DIAPH1: variants seen among roughly 807,000 people sequenced by gnomAD.
The protein encoded by DIAPH1 is diaphanous related formin 1, also known as protein diaphanous homolog 1.
Under a neutral mutation model 140.7 loss-of-function variants are expected in DIAPH1, and 46 were observed. That is an observed-to-expected ratio of 0.33 (90% CI 0.26 to 0.42). The LOEUF is 0.42. Among genes scored for constraint, DIAPH1 ranks in the 10% least tolerant of loss-of-function variants. The pLI is 1.00. For synonymous variants in DIAPH1, 565 were observed against 551.6 expected (o/e 1.02, Z -0.34); for missense variants, 1,310 against 1,558.7 (o/e 0.84, Z 2.69).
At chr5:141,584,847 A>G (rs12523361) in intron 3 of DIAPH1, among the ~76,000 whole-genome samples, 3,226 of 152,320 alleles carry the variant, frequency 0.021, 226 homozygotes, top group Admixed American at 0.14. Flanking sequence ...ATTTAGCCCT[A>G]ATAATTCCAG....
intron 18 of DIAPH1, among the ~76,000 whole-genome samples, chr5:141,557,159 T>C (rs1039526504): frequency 1.3e-5 from 2 of 152,202 alleles, no homozygotes; most frequent in Non-Finnish European, 2.9e-5. Context: ...ATAAGATAAT[T>C]TGGGAAATTT....
At chr5:141,542,495 T>C (rs148551987) in intron 18 of DIAPH1, among the ~76,000 whole-genome samples, 1 of 151,892 alleles carries the variant, frequency 6.6e-6, no homozygotes, top group Admixed American at 6.6e-5. Flanking sequence ...CTGTGGCATA[T>C]GCAATGGAAT....
At chr5:141,552,597 T>C (rs1238419086) in intron 18 of DIAPH1, among the ~76,000 whole-genome samples, 2 of 152,242 alleles carry the variant, frequency 1.3e-5, no homozygotes, top group Non-Finnish European at 2.9e-5. Context: ...TTAGAAATTC[T>C]GGCCTCCAGA....
At position 141,528,707 on chromosome 5, in the gene DIAPH1, A is replaced by C. The variant is rs753927669; in HGVS notation, c.3013T>G (p.Cys1005Gly). The C allele has an allele frequency of 1.2e-6, 2 of 1,614,128 alleles. No homozygotes were observed. Among genetic ancestry groups the C allele is most frequent in the East Asian group, 2.2e-5 (1 of 44,898 alleles). Reference sequence around the variant, plus strand: ...GCCCTACCTCTTTGGCTCACCTTACAGAGGAAGCTGATATTGAAGCCAAAA... The same window carrying C: ...GCCCTACCTCTTTGGCTCACCTTACCGAGGAAGCTGATATTGAAGCCAAAA... ...GAFGFNISFL[C>G]KLRDTKSTDQ... The change falls in exon 22 of 28, where the codon TGT becomes GGT. Residue 1005 changes from cysteine to glycine, a missense_variant. Physicochemically the swap from Cys to Gly is radical, Grantham distance 159 (BLOSUM62 -3). This residue lies in a region of DIAPH1 where 344 missense variants were observed against 512.2 expected (regional missense o/e 0.67). Transcript: ENST00000389054.
chr5:141,573,962 G>C lies in DIAPH1; in HGVS notation c.1888C>G (p.Pro630Ala). ...PLPGGVCISS[P>A]PSLPGGTAIS... The stretch of plus-strand genomic sequence containing the variant: ...GCAGTACCTCCAGGTAAAGAAGGGG[G>C]TGAGGAGATGCAAACACCCCCAGGC... The change falls in exon 16 of 28, where the codon CCC (proline) becomes GCC (alanine). Residue 630 changes from proline to alanine, a missense_variant. Transcript: ENST00000389054. 1.3e-6 allele frequency: 2 copies of C among 1,551,360 alleles called. No individual in the cohort carries two copies. The highest frequency in any genetic ancestry group is 8.7e-7 in the Non-Finnish European group (1 of 1,147,462).
chr5:141,582,266 A>T (rs1257096518), intron 7 of DIAPH1, 46 bp downstream of exon 7: 1 of 1,424,538 alleles, frequency 7.0e-7, no homozygotes, highest in Non-Finnish European at 9.9e-7. Context: ...AAGAGAAAGA[A>T]CAGGCGTCCA....
chr5:141,549,560 G>T (rs573279780), intron 18 of DIAPH1, among the ~76,000 whole-genome samples: 6 of 152,130 alleles, frequency 3.9e-5, no homozygotes, highest in Admixed American at 2.0e-4. Flanking sequence ...TTAGAACAAT[G>T]TACCCAATAA....
chr5:141,613,057 A>G (rs1330100020), intron 1 of DIAPH1, among the ~76,000 whole-genome samples: 1 of 152,178 alleles, frequency 6.6e-6, no homozygotes, highest in Non-Finnish European at 1.5e-5. Context: ...ATTATACAGG[A>G]CACCATAAAT....
At chr5:141,613,854 G>A (rs887769352) in intron 1 of DIAPH1, among the ~76,000 whole-genome samples, 4 of 152,092 alleles carry the variant, frequency 2.6e-5, no homozygotes, top group Admixed American at 1.3e-4. Flanking sequence ...AAAGTTTTAA[G>A]AAATTTTATT....
intron 8 of DIAPH1, among the ~76,000 whole-genome samples, chr5:141,579,707 T>C (rs1596384975): frequency 6.6e-6 from 1 of 152,066 alleles, no homozygotes; most frequent in African/African-American, 2.4e-5. Context: ...CCTAGCACTT[T>C]GGGAGGCCGA....
In DIAPH1 at chr5:141,576,247, C is replaced by A. The variant is rs2099895946; in HGVS notation, c.1444G>T (p.Ala482Ser). ...ATATGCACCTTCTTTTCCAGCTCTG[C>A]AGCTTTGGCTTCAGATTTCTCCACC... ...TKVEKSEAKA[A>S]ELEKKLDSEL... The change falls in exon 14 of 28, where the codon GCA (alanine) becomes TCA (serine). Residue 482 changes from alanine (A) to serine (S), a missense_variant. Ala to Ser is a moderately conservative substitution (Grantham distance 99). Around this residue, in one of 3 missense-constraint regions of DIAPH1, gnomAD observed 589 missense variants for 549.3 expected, o/e 1.07. Coordinates refer to ENST00000389054, the MANE Select transcript of DIAPH1 (RefSeq NM_005219.5). The A allele has an allele frequency of 6.2e-7, 1 of 1,613,552 alleles. No homozygotes were observed. The highest frequency in any genetic ancestry group is 8.5e-7 in the Non-Finnish European group (1 of 1,179,562).
At chr5:141,522,910 G>C (rs1188857697) in intron 27 of DIAPH1, among the ~76,000 whole-genome samples, 1 of 152,172 alleles carries the variant, frequency 6.6e-6, no homozygotes, top group Non-Finnish European at 1.5e-5. Flanking sequence ...AGTCATACAA[G>C]AGAACCCTCA....
At chr5:141,595,950 G>T (rs1184333136) in intron 1 of DIAPH1, among the ~76,000 whole-genome samples, 1 of 152,214 alleles carries the variant, frequency 6.6e-6, no homozygotes, top group Non-Finnish European at 1.5e-5. Context: ...TTGGGAGGCT[G>T]AGGCAGGTAG....
chr5:141,559,472 A>G (rs1260598271), intron 18 of DIAPH1, among the ~76,000 whole-genome samples: 3 of 152,204 alleles, frequency 2.0e-5, no homozygotes, highest in Non-Finnish European at 4.4e-5. Context: ...GAACAAACCT[A>G]AAGGACAAGA....
At position 141,528,654 on chromosome 5, in the gene DIAPH1, G is replaced by C. The variant is rs772774094; in HGVS notation, c.3018+48C>G. On this transcript the variant is annotated intron_variant, in intron 22 of 27. Coordinates refer to ENST00000389054, the MANE Select transcript of DIAPH1 (RefSeq NM_005219.5). ...GCCTCCTGCCAACACTGAACTCATAGAGGCTACAGCCTTCCTTGTGTTGTC... is the reference window on the plus strand; with the variant it reads ...GCCTCCTGCCAACACTGAACTCATACAGGCTACAGCCTTCCTTGTGTTGTC... 7.4e-6 allele frequency: 12 copies of C among 1,614,108 alleles called. No homozygotes were observed. The African/African-American group carries it at 9.3e-5, about 13-fold the overall frequency.
intron 27 of DIAPH1, among the ~76,000 whole-genome samples, chr5:141,522,962 T>C (rs2099886790): frequency 6.6e-6 from 1 of 152,238 alleles, no homozygotes; most frequent in African/African-American, 2.4e-5. Context: ...TAGGTAGAAA[T>C]GGGCAGCCAG....
At chr5:141,583,913 C>T (rs1462070463) in intron 4 of DIAPH1, among the ~76,000 whole-genome samples, 1 of 152,030 alleles carries the variant, frequency 6.6e-6, no homozygotes, top group Admixed American at 6.6e-5. Flanking sequence ...TATCCCATTC[C>T]CTATATTTAC....
intron 26 of DIAPH1, chr5:141,524,765 AT>A (rs2099887058): frequency 1.0e-5 from 2 of 191,068 alleles, no homozygotes; most frequent in African/African-American, 2.4e-5. Flanking sequence ...CAAAGAGTTA[AT>A]GTAGAATCCT....
chr5:141,615,825 G>T (rs138796756), intron 1 of DIAPH1, among the ~76,000 whole-genome samples: 1 of 152,132 alleles, frequency 6.6e-6, no homozygotes, highest in Non-Finnish European at 1.5e-5. Context: ...TCACTTTCTC[G>T]ATTATATGAG....
Sources: allele counts gnomAD v4.1 joint callset (sites outside exome capture counted in the v4.1 genomes callset), GRCh38; gene constraint gnomAD v4.1.1; regional missense constraint gnomAD v4.1.1; transcripts MANE v1.5; gene names NCBI Gene and HGNC (gene_info 2026-07-23, HGNC 2026-07-21).